FBXL17: variants seen among roughly 807,000 people sequenced by gnomAD.
FBXL17 encodes the protein F-box/LRR-repeat protein 17.
Under a neutral mutation model 66.2 loss-of-function variants are expected in FBXL17, and 22 were observed. That is an observed-to-expected ratio of 0.33 (90% CI 0.24 to 0.47). The LOEUF is 0.47. FBXL17 is among the 20% of genes least tolerant of loss of function. FBXL17 has a pLI of 1.00. For missense variants in FBXL17, 878 were observed against 948.2 expected, an observed-to-expected ratio of 0.93 and a Z score of 0.97; for synonymous variants, 474 against 400.5, an observed-to-expected ratio of 1.18 and a Z score of -2.19.
rs530156559 is a variant in FBXL17 at position 108,335,538 on chromosome 5, A to G, written c.1506+12861T>C. Among the ~76,000 whole-genome samples the G allele has an allele frequency of 5.3e-5, 8 of 152,252 alleles. No individual in the cohort carries two copies. The South Asian group carries it at 8.3e-4, about 16-fold the overall frequency. On this transcript the variant is annotated intron_variant, in intron 4 of 8. Coordinates refer to ENST00000542267, the MANE Select transcript of FBXL17 (RefSeq NM_001163315.3). ...CTAAGGTGATTACAAGTTGACTCCA[A>G]TAACTGGAAGTTCATTTCTACAACA...
At chr5:108,022,411 T>A (rs938790153) in intron 6 of FBXL17, among the ~76,000 whole-genome samples, 3 of 151,962 alleles carry the variant, frequency 2.0e-5, no homozygotes, top group Non-Finnish European at 4.4e-5. Flanking sequence ...AATAACAACA[T>A]TTTATATGGT....
At chr5:108,100,572 C>A (rs1288491966) in intron 6 of FBXL17, among the ~76,000 whole-genome samples, 1 of 151,966 alleles carries the variant, frequency 6.6e-6, no homozygotes, top group Non-Finnish European at 1.5e-5. Context: ...CTCTTTATAC[C>A]CTACCAGGAG....
intron 7 of FBXL17, among the ~76,000 whole-genome samples, chr5:107,895,585 C>T (rs553623449): frequency 3.9e-4 from 59 of 152,136 alleles, no homozygotes; most frequent in Non-Finnish European, 6.6e-4. Flanking sequence ...AAGCATCACT[C>T]CTGTTCTGTT....
At chr5:108,084,372 G>A (rs942421192) in intron 6 of FBXL17, among the ~76,000 whole-genome samples, 4 of 152,140 alleles carry the variant, frequency 2.6e-5, no homozygotes, top group Admixed American at 1.3e-4. Context: ...TCTACCAATC[G>A]GTTTGCTCTG....
At chr5:107,921,772 A>G (rs1220389533) in intron 7 of FBXL17, among the ~76,000 whole-genome samples, 2 of 152,148 alleles carry the variant, frequency 1.3e-5, no homozygotes. Flanking sequence ...TCTGTCTAGA[A>G]AGCCAGGGAA....
In FBXL17 at chr5:107,859,579, T is replaced by A. The variant is rs1228156697; in HGVS notation, c.*2141A>T. ...ACCCCCACCCCCCCAAGCTAAAGCA[T>A]GTTATAGTGCTGTACTTTAGATTCA... On this transcript the variant is annotated 3_prime_UTR_variant, in exon 9 of 9. Coordinates refer to ENST00000542267, the MANE Select transcript of FBXL17 (RefSeq NM_001163315.3). The A allele has an allele frequency of 9.2e-6, 1 of 108,844 alleles. No homozygotes were observed. Among genetic ancestry groups the A allele is most frequent in the Non-Finnish European group, 1.7e-5 (1 of 59,408 alleles). 6.7% of individuals were successfully genotyped at this position (108,844 alleles called of 1,614,324 possible). A position where few individuals can be genotyped will look rare whatever the true frequency, so the allele number is the denominator to read the frequency against.
chr5:108,210,863 C>T lies in FBXL17; in HGVS notation c.1614+13258G>A, dbSNP rs1474651546. ...AGAGCTGAGTTCAAGTTCTGAGTAT[C>T]CTTGTAAATTTTCTGTCTCATTGAT... On this transcript the variant is annotated intron_variant, in intron 5 of 8. Transcript: ENST00000542267. 2.0e-5 allele frequency among the ~76,000 whole-genome samples: 3 copies of T among 152,088 alleles called. No individual in the cohort carries two copies. In the East Asian group the frequency reaches 5.8e-4, roughly 29 times the overall value.
At chr5:108,161,426 C>T (rs527542273) in intron 6 of FBXL17, among the ~76,000 whole-genome samples, 13 of 152,310 alleles carry the variant, frequency 8.5e-5, no homozygotes, top group African/African-American at 2.9e-4. Context: ...GCGGAGGTTG[C>T]AGCGAGCTGA....
intron 4 of FBXL17, among the ~76,000 whole-genome samples, chr5:108,320,586 T>C (rs1008540553): frequency 2.0e-5 from 3 of 151,808 alleles, no homozygotes. Context: ...GGACTTTAAA[T>C]GTTTTGAGAA....
intron 4 of FBXL17, among the ~76,000 whole-genome samples, chr5:108,321,787 A>G (rs1346559864): frequency 6.6e-6 from 1 of 151,872 alleles, no homozygotes; most frequent in Non-Finnish European, 1.5e-5. Flanking sequence ...AATGACAAAC[A>G]AGAAAAAAAA....
At chr5:108,366,085 C>G (rs1176244885) in intron 2 of FBXL17, among the ~76,000 whole-genome samples, 1 of 152,040 alleles carries the variant, frequency 6.6e-6, no homozygotes, top group East Asian at 1.9e-4. Context: ...AGTTTTTAAT[C>G]TTTTACTGTT....
intron 7 of FBXL17, among the ~76,000 whole-genome samples, chr5:107,913,615 T>C (rs1443594431): frequency 6.6e-6 from 1 of 152,094 alleles, no homozygotes; most frequent in African/African-American, 2.4e-5. Context: ...CCACCAACTC[T>C]TGACTGCACT....
chr5:108,357,737 T>G (rs1748093667), intron 3 of FBXL17, among the ~76,000 whole-genome samples: 1 of 152,086 alleles, frequency 6.6e-6, no homozygotes, highest in African/African-American at 2.4e-5. Context: ...TTTTTTAAAT[T>G]ATACTTTAAG....
intron 7 of FBXL17, among the ~76,000 whole-genome samples, chr5:107,951,941 C>A (rs1751512127): frequency 6.6e-6 from 1 of 152,140 alleles, no homozygotes; most frequent in South Asian, 2.1e-4. Flanking sequence ...ATTGGCTTTT[C>A]AAAGCTTTTT....
At chr5:108,110,360 T>C (rs1749981575) in intron 6 of FBXL17, among the ~76,000 whole-genome samples, 1 of 152,188 alleles carries the variant, frequency 6.6e-6, no homozygotes, top group Non-Finnish European at 1.5e-5. Context: ...AAAAATAGAA[T>C]TTCTGAAATT....
intron 6 of FBXL17, among the ~76,000 whole-genome samples, chr5:108,124,803 T>C (rs1303586571): frequency 6.6e-6 from 1 of 152,040 alleles, no homozygotes; most frequent in African/African-American, 2.4e-5. Flanking sequence ...GTGCATCAAT[T>C]ATAACTTACG....
At chr5:108,158,478 A>G (rs537497212) in intron 6 of FBXL17, among the ~76,000 whole-genome samples, 1 of 148,906 alleles carries the variant, frequency 6.7e-6, no homozygotes, top group South Asian at 2.2e-4. Context: ...ATAACTGTAA[A>G]GCAGTGACAG....
In FBXL17 at chr5:108,186,105, T is replaced by C; in HGVS notation, c.1745+12A>G. On this transcript the variant is annotated intron_variant, in intron 6 of 8. Coordinates refer to ENST00000542267, the MANE Select transcript of FBXL17 (RefSeq NM_001163315.3). ...CTCTAGAAAAGTATTTTTAACATGT[T>C]ACAATGGTTACCTGTCATTTATGAT... is the stretch of plus-strand genomic sequence containing the variant. 6.2e-7 allele frequency: 1 copy of C among 1,601,802 alleles called. No individual in the cohort carries two copies. The highest frequency in any genetic ancestry group is 1.1e-5 in the South Asian group (1 of 89,506).
chr5:108,175,694 T>A (rs1460891560), intron 6 of FBXL17, among the ~76,000 whole-genome samples: 5 of 152,186 alleles, frequency 3.3e-5, no homozygotes, highest in Non-Finnish European at 7.3e-5. Flanking sequence ...AGGACTGTCA[T>A]ACAGAAAATA....
Sources: gnomAD v4.1 joint callset for allele counts (sites outside exome capture counted in the v4.1 genomes callset) on GRCh38, gnomAD v4.1.1 for gene constraint, MANE v1.5 for transcripts, NCBI Gene and HGNC (gene_info 2026-07-23, HGNC 2026-07-21) for gene names.